The following CLPTM1L variants were observed in gnomAD, a reference collection of about 807,000 sequenced individuals.
The protein encoded by CLPTM1L is lipid scramblase CLPTM1L.
In CLPTM1L, 38 loss-of-function variants were observed where a neutral mutation model predicts 70.9. The observed-to-expected ratio is 0.54, with a 90% CI of 0.41 to 0.70. The LOEUF (loss-of-function observed/expected upper bound fraction) is 0.70, where lower values mean the gene tolerates loss of function less well. Among genes scored for constraint, CLPTM1L ranks in the 30% least tolerant of loss-of-function variants. The pLI is 0.00. For missense variants in CLPTM1L, 652 were observed against 705.9 expected, an observed-to-expected ratio of 0.92 and a Z score of 0.87; for synonymous variants, 339 against 299.9, an observed-to-expected ratio of 1.13 and a Z score of -1.35.
intron 3 of CLPTM1L, 56 bp downstream of exon 3, chr5:1,341,615 T>C: frequency 6.8e-7 from 1 of 1,464,214 alleles, no homozygotes; most frequent in Non-Finnish European, 9.3e-7. Context: ...GAGAAAGACA[T>C]GTCCGTTCTG....
At position 1,321,748 on chromosome 5, in the gene CLPTM1L, G is replaced by A. The variant is rs1464071261; in HGVS notation, c.1371+16C>T. 1 of 1,613,818 alleles carries A rather than the reference G, an allele frequency of 6.2e-7. No homozygotes were observed. The highest frequency in any genetic ancestry group is 1.3e-5 in the African/African-American group (1 of 74,924). On this transcript the variant is annotated intron_variant, in intron 14 of 16. Transcript: ENST00000320895. ...GGAGACGGGGGCCGGGCCGCGGGCAGCACACACCGCCTTACCTTGTAGTTC... is the reference window on the plus strand; with the variant it reads ...GGAGACGGGGGCCGGGCCGCGGGCAACACACACCGCCTTACCTTGTAGTTC...
chr5:1,341,685 C>G lies in CLPTM1L; in HGVS notation c.439G>C (p.Glu147Gln), dbSNP rs1368976286. 2 of 1,608,082 alleles carry G rather than the reference C, an allele frequency of 1.2e-6. No individual in the cohort carries two copies. The highest frequency in any genetic ancestry group is 2.2e-5 in the East Asian group (1 of 44,690). ...AAGACCCTCACCTGTGTATCAGACT[C>G]CCCGGTGAGCAGGTTGATTTCTTCT... ...KPEEINLLTG[E>Q]SDTQQIEAEK... The change falls in exon 3 of 17, where the codon GAG becomes CAG. Residue 147 changes from glutamate (E) to glutamine (Q), a missense_variant. Glu to Gln is a conservative substitution (Grantham distance 29, BLOSUM62 2). This residue lies in a region of CLPTM1L where 402 missense variants were observed against 388.2 expected (regional missense o/e 1.04). Transcript: ENST00000320895.
chr5:1,325,417 C>G, intron 10 of CLPTM1L: 1 of 392,850 alleles, frequency 2.5e-6, no homozygotes, highest in South Asian at 4.3e-5. Flanking sequence ...CTGTACGGAC[C>G]CCAGTCAGCA....
Position 1,341,629 on chromosome 5 carries a change from GAGAGGCACAGCCTGTTATCAGTA to G in CLPTM1L, c.453+19_453+41del, listed in dbSNP as rs1560872331. ...GGAGAAAGACATGTCCGTTCTGACG[GAGAGGCACAGCCTGTTATCAGTA>G]ACCCATGAAGACCCTCACCTGTGTA... On this transcript the variant is annotated intron_variant, in intron 3 of 16. Transcript: ENST00000320895. 6.6e-7 allele frequency: 1 copy of G among 1,524,788 alleles called. No homozygotes were observed. The highest frequency in any genetic ancestry group is 1.2e-5 in the South Asian group (1 of 82,864). 94.5% of individuals were successfully genotyped at this position (1,524,788 alleles called of 1,614,324 possible).
At chr5:1,326,723 T>A (rs1561234021) in intron 9 of CLPTM1L, among the ~76,000 whole-genome samples, 1 of 150,628 alleles carries the variant, frequency 6.6e-6, no homozygotes, top group African/African-American at 2.4e-5. Context: ...CAGCTCCTCC[T>A]CTACGGGGAC....
chr5:1,326,486 C>T (rs1195985060), intron 9 of CLPTM1L: 2 of 243,052 alleles, frequency 8.2e-6, no homozygotes, highest in African/African-American at 4.8e-5. Flanking sequence ...TTTCATCCAG[C>T]TCCTCCTCTA....
chr5:1,334,478 G>T, intron 6 of CLPTM1L, 95 bp from the exon 7 acceptor site: 1 of 854,436 alleles, frequency 1.2e-6, no homozygotes, highest in Non-Finnish European at 1.9e-6. Context: ...TTTAGGCCGG[G>T]CGCAGTGGCT....
chr5:1,341,712 G>A lies in CLPTM1L; in HGVS notation c.412C>T (p.Pro138Ser). The change falls in exon 3 of 17, where the codon CCA becomes TCA. Residue 138 changes from proline (P) to serine (S), a missense_variant. Coordinates refer to ENST00000320895, the MANE Select transcript of CLPTM1L (RefSeq NM_030782.5). ...CCGGTGAGCAGGTTGATTTCTTCTG[G>A]CTTGGGGACCATGTAGGTGGTCAGA... Reference protein sequence around the residue: ...SPLTTYMVPKPEEINLLTGES... With the variant: ...SPLTTYMVPKSEEINLLTGES... 6.2e-7 allele frequency: 1 copy of A among 1,613,296 alleles called. No individual in the cohort carries two copies. The highest frequency in any genetic ancestry group is 8.5e-7 in the Non-Finnish European group (1 of 1,179,440).
intron 3 of CLPTM1L, among the ~76,000 whole-genome samples, chr5:1,340,675 G>A (rs1213736589): frequency 3.9e-4 from 59 of 152,198 alleles, no homozygotes; most frequent in Admixed American, 3.9e-3. Context: ...GGAGAGGCAG[G>A]AGCAGGTGTT....
At chr5:1,325,185 G>A (rs1752443455) in intron 10 of CLPTM1L, 1 of 321,294 alleles carries the variant, frequency 3.1e-6, no homozygotes, top group Admixed American at 4.6e-5. Flanking sequence ...CACAGTGGCT[G>A]CGCTGCGTGT....
chr5:1,320,345 A>G, intron 16 of CLPTM1L: 1 of 383,536 alleles, frequency 2.6e-6, no homozygotes, highest in Non-Finnish European at 4.6e-6. Flanking sequence ...AAGGAGAGAC[A>G]TTTGCTTTCA....
At position 1,331,628 on chromosome 5, in the gene CLPTM1L, G is replaced by A. The variant is rs528007524; in HGVS notation, c.976+171C>T. On this transcript the variant is annotated intron_variant, in intron 8 of 16. Transcript: ENST00000320895. ...CTCTGATGGTCCCACCACAATTGCC[G>A]CAACGGCTCCCTGGGCTTTACGGTG... is the stretch of plus-strand genomic sequence containing the variant. 2.0e-4 allele frequency: 124 copies of A among 620,980 alleles called. 1 individual carries two copies. The highest frequency in any genetic ancestry group is 8.7e-4 in the Middle Eastern group (2 of 2,310). 38.5% of individuals were successfully genotyped at this position (620,980 alleles called of 1,614,324 possible). A position where few individuals can be genotyped will look rare whatever the true frequency, so the allele number is the denominator to read the frequency against.
chr5:1,321,132 C>A (rs1416237276), intron 15 of CLPTM1L, among the ~76,000 whole-genome samples: 3 of 152,222 alleles, frequency 2.0e-5, no homozygotes, highest in Admixed American at 1.3e-4. Flanking sequence ...ATTGCCCTTT[C>A]CTCTGGGAGC....
chr5:1,344,928 C>A lies in CLPTM1L; in HGVS notation c.-87G>T, dbSNP rs1424820222. On this transcript the variant is annotated 5_prime_UTR_variant, in exon 1 of 17. Transcript: ENST00000320895. ...GGCGCCCAGCCCGCCGCTCCGGGCT[C>A]CGCCGCTCACTGGAGAGCCGCCGCG... 6 of 782,024 alleles carry A rather than the reference C, an allele frequency of 7.7e-6. No individual in the cohort carries two copies. In the East Asian group the frequency reaches 7.5e-4, roughly 97 times the overall value. The allele number at this position is 782,024 out of a possible 1,614,324, so 48.4% of individuals were successfully genotyped here. A position where few individuals can be genotyped will look rare whatever the true frequency, so the allele number is the denominator to read the frequency against.
chr5:1,331,775 C>G (rs111874283), intron 8 of CLPTM1L, 24 bp downstream of exon 8: 1 of 1,607,406 alleles, frequency 6.2e-7, no homozygotes, highest in South Asian at 1.1e-5. Context: ...AGTATCTGAG[C>G]AGGGCCACGC....
At chr5:1,339,422 C>G (rs1468195638) in intron 3 of CLPTM1L, among the ~76,000 whole-genome samples, 1 of 136,210 alleles carries the variant, frequency 7.3e-6, no homozygotes, top group Non-Finnish European at 1.6e-5. Flanking sequence ...AACGGCCACA[C>G]AGACGGGCAA....
intron 4 of CLPTM1L, 148 bp from the exon 5 acceptor site, chr5:1,338,130 C>T: frequency 3.0e-6 from 2 of 670,754 alleles, no homozygotes; most frequent in South Asian, 1.7e-5. Flanking sequence ...CAGGGCACAG[C>T]CTCCCCAAAC....
intron 15 of CLPTM1L, 61 bp downstream of exon 15, chr5:1,321,574 A>G (rs894698264): frequency 3.4e-6 from 5 of 1,469,724 alleles, no homozygotes; most frequent in Middle Eastern, 3.4e-4. Context: ...GTTGGCTGGA[A>G]GACGCCCTTG....
At chr5:1,337,391 G>A (rs971464181) in intron 5 of CLPTM1L, among the ~76,000 whole-genome samples, 23 of 152,376 alleles carry the variant, frequency 1.5e-4, no homozygotes, top group African/African-American at 1.9e-4. Context: ...AGAGCCCAGA[G>A]AGCAGCCACT....
Sources: allele counts gnomAD v4.1 joint callset (sites outside exome capture counted in the v4.1 genomes callset), GRCh38; gene constraint gnomAD v4.1.1; regional missense constraint gnomAD v4.1.1; transcripts MANE v1.5; gene names NCBI Gene and HGNC (gene_info 2026-07-23, HGNC 2026-07-21).